Variants in ZNF257 observed in about 807,000 individuals in gnomAD.
ZNF257 encodes zinc finger protein 257.
Under a neutral mutation model 11.9 loss-of-function variants are expected in ZNF257, and 12 were observed. The observed-to-expected ratio is 1.01, with a 90% CI of 0.65 to 1.63. The LOEUF is 1.63. Among genes scored for constraint, ZNF257 ranks in the 40% most tolerant of loss-of-function variants. The pLI is 0.00. For missense variants in ZNF257, 580 were observed against 665.5 expected (o/e 0.87, Z 1.41); for synonymous variants, 183 against 222.7 (o/e 0.82, Z 1.59).
chr19:22,075,415 A>C (rs2022203990), intron 3 of ZNF257: 1 of 152,340 alleles, frequency 6.6e-6, no homozygotes, highest in South Asian at 2.1e-4. Flanking sequence ...GCTGGAACTG[A>C]GACTTTGAAC....
At chr19:22,066,629 T>C (rs528955758) in intron 1 of ZNF257, among the ~76,000 whole-genome samples, 1 of 152,316 alleles carries the variant, frequency 6.6e-6, no homozygotes, top group African/African-American at 2.4e-5. Context: ...TCAACCATTT[T>C]TGTAGAAGAG....
chr19:22,087,579 A>G, intron 3 of ZNF257: 2 of 1,230,586 alleles, frequency 1.6e-6, no homozygotes, highest in Non-Finnish European at 2.0e-6. Context: ...AGACCCCTAA[A>G]AGCCAGACAT....
chr19:22,054,290 G>A (rs1017761026), intron 1 of ZNF257, among the ~76,000 whole-genome samples: 4 of 151,842 alleles, frequency 2.6e-5, no homozygotes, highest in Admixed American at 6.6e-5. Context: ...GGCTGGTCTC[G>A]AACTCCTAAC....
intron 1 of ZNF257, among the ~76,000 whole-genome samples, chr19:22,070,216 T>A (rs1419395234): frequency 1.3e-5 from 2 of 150,282 alleles, no homozygotes; most frequent in Non-Finnish European, 3.0e-5. Flanking sequence ...ATCTTACAAA[T>A]CAGTAGTTGC....
At chr19:22,076,949 A>G (rs1370972525) in intron 3 of ZNF257, among the ~76,000 whole-genome samples, 4 of 152,102 alleles carry the variant, frequency 2.6e-5, no homozygotes. Context: ...TGGCCTCCCA[A>G]TATGCTGGGA....
intron 1 of ZNF257, among the ~76,000 whole-genome samples, chr19:22,054,933 T>G (rs1218487988): frequency 6.9e-6 from 1 of 145,570 alleles, no homozygotes; most frequent in Admixed American, 6.9e-5. Context: ...TTTTTTTTTT[T>G]TCTTCTTATA....
chr19:22,073,542 T>C lies in ZNF257; in HGVS notation c.204T>C (p.His68=), dbSNP rs2022156054. The change falls in exon 3 of 4, where the codon CAT becomes CAC. Residue 68 remains histidine (H), a synonymous_variant. Transcript: ENST00000594947. ...AAGAGCCCTGTAATATGAAGAGACA[T>C]GAGATGGTAGCCAAACCCCCAGGTA... ...QGKEPCNMKR[H]EMVAKPPVMC... The C allele has an allele frequency of 3.1e-6, 5 of 1,611,874 alleles. No individual in the cohort carries two copies. Among genetic ancestry groups the C allele is most frequent in the Non-Finnish European group, 4.2e-6 (5 of 1,179,034 alleles).
chr19:22,069,357 G>C (rs1332694845), intron 1 of ZNF257, among the ~76,000 whole-genome samples: 2 of 152,160 alleles, frequency 1.3e-5, no homozygotes, highest in African/African-American at 4.8e-5. Context: ...GCTTACGCCT[G>C]TAATCCCAGC....
At position 22,091,326 on chromosome 19, in the gene ZNF257, G is replaced by C. The variant is rs1271300273; in HGVS notation, c.*1884G>C. 6.6e-6 allele frequency: 1 copy of C among 151,926 alleles called. No individual in the cohort carries two copies. Among genetic ancestry groups the C allele is most frequent in the African/African-American group, 2.4e-5 (1 of 41,334 alleles). The allele number at this position is 151,926 out of a possible 1,614,324, so 9.4% of individuals were successfully genotyped here. The stretch of plus-strand genomic sequence containing the variant: ...ATACAAAAAATTAGCCAGGCATGGT[G>C]GTGGGTGCCTGAAATCCCAGCTATT... On this transcript the variant is annotated 3_prime_UTR_variant, in exon 4 of 4. Coordinates refer to ENST00000594947, the MANE Select transcript of ZNF257 (RefSeq NM_033468.4).
chr19:22,078,736 A>G lies in ZNF257; in HGVS notation c.226+5172A>G, dbSNP rs142552472. ...ATTTTATTTAAAATATTTTTCATAT[A>G]TGGTTCAAGGAAATAATCCAGCTTT... On this transcript the variant is annotated intron_variant, in intron 3 of 3. Transcript: ENST00000594947. Among the ~76,000 whole-genome samples the G allele has an allele frequency of 6.0e-4, 90 of 150,788 alleles. 1 individual carries two copies. Among genetic ancestry groups the G allele is most frequent in the African/African-American group, 2.1e-3 (87 of 41,066 alleles).
intron 3 of ZNF257, among the ~76,000 whole-genome samples, chr19:22,076,451 C>T (rs1313325851): frequency 6.6e-6 from 1 of 151,976 alleles, no homozygotes; most frequent in Non-Finnish European, 1.5e-5. Context: ...TTTATTGTTT[C>T]TCATTAAAAT....
In ZNF257 at chr19:22,072,810, G is replaced by T. The variant is rs774587076; in HGVS notation, c.5G>T (p.Gly2Val). 2 of 1,609,512 alleles carry T rather than the reference G, an allele frequency of 1.2e-6. No homozygotes were observed. Among genetic ancestry groups the T allele is most frequent in the Non-Finnish European group, 1.7e-6 (2 of 1,178,166 alleles). ...TGTCTGTGTTTGTGTGTTTTTCAGG[G>T]ACCACTGACAATTAGGGATGTGACT... is the stretch of plus-strand genomic sequence containing the variant. M[G>V]PLTIRDVTVE... The change falls in exon 2 of 4, where the codon GGA becomes GTA. Residue 2 changes from glycine to valine, a missense_variant and splice_region_variant. Physicochemically the swap from Gly to Val is moderately radical, Grantham distance 109. Coordinates refer to ENST00000594947, the MANE Select transcript of ZNF257 (RefSeq NM_033468.4).
At chr19:22,085,168 T>C (rs1284674950) in intron 3 of ZNF257, among the ~76,000 whole-genome samples, 1 of 152,076 alleles carries the variant, frequency 6.6e-6, no homozygotes, top group Non-Finnish European at 1.5e-5. Context: ...TTCTCCTGCC[T>C]CAGCCTCCCA....
chr19:22,090,948 G>A lies in ZNF257; in HGVS notation c.*1506G>A, dbSNP rs991346369. The A allele has an allele frequency of 6.6e-6, 1 of 152,082 alleles. No homozygotes were observed. Among genetic ancestry groups the A allele is most frequent in the African/African-American group, 2.4e-5 (1 of 41,398 alleles). 9.4% of individuals were successfully genotyped at this position (152,082 alleles called of 1,614,324 possible). A position where few individuals can be genotyped will look rare whatever the true frequency, so the allele number is the denominator to read the frequency against. ...GATGCATAAGAGTCTAAGTGAAGAG[G>A]TTCTTTGTGGTTAACTTAGTGATGT... On this transcript the variant is annotated 3_prime_UTR_variant, in exon 4 of 4. Coordinates refer to ENST00000594947, the MANE Select transcript of ZNF257 (RefSeq NM_033468.4).
At chr19:22,072,518 C>T (rs1397334302) in intron 1 of ZNF257, among the ~76,000 whole-genome samples, 2 of 152,036 alleles carry the variant, frequency 1.3e-5, no homozygotes, top group African/African-American at 4.8e-5. Context: ...AATTCAGAAA[C>T]AGACTTTCTA....
At chr19:22,076,213 A>G (rs1335701528) in intron 3 of ZNF257, among the ~76,000 whole-genome samples, 1 of 151,046 alleles carries the variant, frequency 6.6e-6, no homozygotes, top group African/African-American at 2.4e-5. Flanking sequence ...AACATAATTT[A>G]TTCATTAAGT....
intron 1 of ZNF257, among the ~76,000 whole-genome samples, chr19:22,060,303 C>A (rs2021760516): frequency 6.6e-6 from 1 of 152,146 alleles, no homozygotes; most frequent in African/African-American, 2.4e-5. Flanking sequence ...ACAACCTTAT[C>A]AGCATCTGTG....
intron 3 of ZNF257, chr19:22,087,491 G>T: frequency 9.4e-7 from 1 of 1,067,866 alleles, no homozygotes; most frequent in Non-Finnish European, 1.2e-6. Context: ...GGTCTCAGCA[G>T]TCTCAAATTG....
At chr19:22,055,097 C>G (rs970615181) in intron 1 of ZNF257, among the ~76,000 whole-genome samples, 2 of 151,990 alleles carry the variant, frequency 1.3e-5, no homozygotes, top group Non-Finnish European at 2.9e-5. Context: ...GCTGTTAAGC[C>G]AATCAGATGC....
Sources: gnomAD v4.1 joint callset for allele counts (sites outside exome capture counted in the v4.1 genomes callset) on GRCh38, gnomAD v4.1.1 for gene constraint, MANE v1.5 for transcripts, NCBI Gene and HGNC (gene_info 2026-07-23, HGNC 2026-07-21) for gene names.